The following GRIA1 variants were observed in gnomAD, a reference collection of about 807,000 sequenced individuals.
GRIA1 encodes glutamate ionotropic receptor AMPA type subunit 1, also known as glutamate receptor 1.
A neutral mutation model predicts 99.2 loss-of-function variants in GRIA1; 31 were observed. The observed-to-expected ratio is 0.31, with a 90% confidence interval of 0.23 to 0.42. The LOEUF is 0.42. GRIA1 is among the 10% of genes least tolerant of loss of function. GRIA1 has a pLI of 1.00. For missense variants in GRIA1, 782 were observed against 1,157.5 expected (o/e 0.68, Z 4.71); for synonymous variants, 438 against 432.4 (o/e 1.01, Z -0.16).
In GRIA1 at chr5:153,777,319, G is replaced by A. The variant is rs529894402; in HGVS notation, c.2270+6904G>A. 5.9e-5 allele frequency among the ~76,000 whole-genome samples: 9 copies of A among 152,188 alleles called. 1 individual carries two copies. Among genetic ancestry groups the A allele is most frequent in the African/African-American group, 2.2e-4 (9 of 41,506 alleles). ...AAGGAATAGGGGGATGAATATGATG[G>A]GAGATGACCAGGAATCCTCATGGAA... On this transcript the variant is annotated intron_variant, in intron 13 of 15. Transcript: ENST00000285900.
chr5:153,704,740 A>G (rs1161172774), intron 10 of GRIA1, among the ~76,000 whole-genome samples: 4 of 152,124 alleles, frequency 2.6e-5, no homozygotes, highest in Non-Finnish European at 5.9e-5. Flanking sequence ...CCAACTTTAT[A>G]TGCCACCTCT....
At chr5:153,505,030 T>C (rs1217419324) in intron 2 of GRIA1, among the ~76,000 whole-genome samples, 2 of 152,116 alleles carry the variant, frequency 1.3e-5, no homozygotes, top group Non-Finnish European at 2.9e-5. Flanking sequence ...TCCCTATACC[T>C]GAAGAGGGGA....
At chr5:153,512,132 G>A (rs1195774871) in intron 2 of GRIA1, among the ~76,000 whole-genome samples, 1 of 152,216 alleles carries the variant, frequency 6.6e-6, no homozygotes, top group Non-Finnish European at 1.5e-5. Context: ...GAGATTCAGT[G>A]TGGAAGGTGA....
intron 2 of GRIA1, among the ~76,000 whole-genome samples, chr5:153,496,398 A>G (rs1754429376): frequency 6.6e-6 from 1 of 152,230 alleles, no homozygotes; most frequent in African/African-American, 2.4e-5. Flanking sequence ...ACTGAAATAG[A>G]TATTGGAAAT....
intron 2 of GRIA1, among the ~76,000 whole-genome samples, chr5:153,514,291 T>C (rs1302669880): frequency 6.6e-6 from 1 of 152,272 alleles, no homozygotes; most frequent in Non-Finnish European, 1.5e-5. Context: ...GTTTTTCCCC[T>C]ATGTTTTTCT....
chr5:153,557,716 T>C (rs778628202), intron 2 of GRIA1: 2 of 152,224 alleles, frequency 1.3e-5, no homozygotes, highest in African/African-American at 2.4e-5. Context: ...AGTAAAGATA[T>C]TAAGACACAA....
chr5:153,805,927 G>T (rs1035700102), intron 15 of GRIA1, among the ~76,000 whole-genome samples: 1 of 152,082 alleles, frequency 6.6e-6, no homozygotes, highest in East Asian at 1.9e-4. Flanking sequence ...ACTCACTGAG[G>T]CTCCTAATAG....
chr5:153,798,880 G>C (rs1765812240), intron 14 of GRIA1, among the ~76,000 whole-genome samples: 1 of 152,124 alleles, frequency 6.6e-6, no homozygotes, highest in African/African-American at 2.4e-5. Flanking sequence ...CCATATGAGG[G>C]AGACAGCAAA....
chr5:153,570,856 C>T (rs1762051413), intron 2 of GRIA1, among the ~76,000 whole-genome samples: 1 of 152,056 alleles, frequency 6.6e-6, no homozygotes. Context: ...TTAATAATTC[C>T]TATAGTCAAA....
intron 5 of GRIA1, among the ~76,000 whole-genome samples, chr5:153,661,939 ATGG>A (rs1190673639): frequency 6.6e-6 from 1 of 152,186 alleles, no homozygotes; most frequent in African/African-American, 2.4e-5. Context: ...ATACCCAGTG[ATGG>A]AAAAGTCCTA....
At chr5:153,763,145 G>C (rs982993858) in intron 11 of GRIA1, among the ~76,000 whole-genome samples, 1 of 152,162 alleles carries the variant, frequency 6.6e-6, no homozygotes, top group African/African-American at 2.4e-5. Context: ...ATTTCTTGGA[G>C]TAAACCCTGT....
chr5:153,723,695 G>A (rs1486132866), intron 11 of GRIA1, among the ~76,000 whole-genome samples: 1 of 151,868 alleles, frequency 6.6e-6, no homozygotes, highest in Admixed American at 6.6e-5. Context: ...TGGGGGAGGG[G>A]CCCCCGCCAT....
intron 2 of GRIA1, among the ~76,000 whole-genome samples, chr5:153,527,192 CT>C (rs1233327542): frequency 2.6e-5 from 4 of 152,252 alleles, no homozygotes; most frequent in Non-Finnish European, 5.9e-5. Flanking sequence ...TTCAAAATCC[CT>C]AAAGTCTAAA....
chr5:153,577,042 GTGGATGGATGGA>G (rs201687983), intron 2 of GRIA1, among the ~76,000 whole-genome samples: 5 of 104,204 alleles, frequency 4.8e-5, no homozygotes, highest in Admixed American at 1.0e-4. Flanking sequence ...AGATGAATGG[GTGGATGGATGGA>G]TGGATGGATG....
chr5:153,490,501 A>T (rs772798293), upstream of GRIA1: 10 of 248,286 alleles, frequency 4.0e-5, no homozygotes, highest in Non-Finnish European at 7.1e-5. Flanking sequence ...GTGGAACTCC[A>T]AGCTAGCTCG....
At chr5:153,555,744 C>T (rs374965451) in intron 2 of GRIA1, among the ~76,000 whole-genome samples, 1 of 152,186 alleles carries the variant, frequency 6.6e-6, no homozygotes, top group Non-Finnish European at 1.5e-5. Context: ...TTCAGTCAGT[C>T]TGACAGACTG....
chr5:153,656,547 T>A (rs2149465671), intron 5 of GRIA1, among the ~76,000 whole-genome samples: 1 of 151,900 alleles, frequency 6.6e-6, no homozygotes, highest in Middle Eastern at 3.4e-3. Context: ...AGTTTTCTTT[T>A]GTAACCATTA....
intron 11 of GRIA1, among the ~76,000 whole-genome samples, chr5:153,727,696 T>C (rs1760669725): frequency 6.6e-6 from 1 of 151,942 alleles, no homozygotes; most frequent in Admixed American, 6.6e-5. Flanking sequence ...GAAGGACCTC[T>C]TCAAGAACTA....
rs1382695674 is a variant in GRIA1, at chr5:153,813,361, T to C, written c.*2136T>C. ...TTTAACATCAACATGCTTCAAAGACTTTTTGCCTTTGGCCTAGTAAGATGC... is the reference window on the plus strand; with the variant it reads ...TTTAACATCAACATGCTTCAAAGACCTTTTGCCTTTGGCCTAGTAAGATGC... On this transcript the variant is annotated 3_prime_UTR_variant, in exon 16 of 16. Coordinates refer to ENST00000285900, the MANE Select transcript of GRIA1 (RefSeq NM_000827.4). The C allele has an allele frequency of 1.3e-5, 2 of 152,212 alleles. No individual in the cohort carries two copies. Among genetic ancestry groups the C allele is most frequent in the Non-Finnish European group, 2.9e-5 (2 of 68,052 alleles). The allele number at this position is 152,212 out of a possible 1,614,324, so 9.4% of individuals were successfully genotyped here.
Sources: allele counts gnomAD v4.1 joint callset (sites outside exome capture counted in the v4.1 genomes callset), GRCh38; gene constraint gnomAD v4.1.1; transcripts MANE v1.5; gene names NCBI Gene and HGNC (gene_info 2026-07-23, HGNC 2026-07-21).